TTF2: variants seen among roughly 807,000 people sequenced by gnomAD.
The protein encoded by TTF2 is transcription termination factor 2, also known as RNA polymerase II termination factor.
Under a neutral mutation model 142.4 loss-of-function variants are expected in TTF2, and 108 were observed. The ratio of observed to expected loss-of-function variants is 0.76; its 90% CI spans 0.65 to 0.89. The LOEUF is 0.89. Ranked by LOEUF, TTF2 falls within the 40% of genes least tolerant of loss-of-function variation. The probability of loss-of-function intolerance (pLI) is 0.00; values close to 1 mark genes in which losing one functional copy is unlikely to be tolerated. For missense variants in TTF2, 1,327 were observed against 1,379.8 expected (o/e 0.96, Z 0.61); for synonymous variants, 483 against 506.2 (o/e 0.95, Z 0.61).
In TTF2 at chr1:117,086,042, C is replaced by T. The variant is rs895490752; in HGVS notation, c.2055-375C>T. Among the ~76,000 whole-genome samples the T allele has an allele frequency of 6.6e-6, 1 of 152,184 alleles. No individual in the cohort carries two copies. Among genetic ancestry groups the T allele is most frequent in the Non-Finnish European group, 1.5e-5 (1 of 68,040 alleles). ...CATTATTAAATGTTAATTCCCAACT[C>T]TATCCTACTTTCTGTTATTTCCCAA... On this transcript the variant is annotated intron_variant, in intron 11 of 22. Transcript: ENST00000369466. This position sits in a 1 kb window ranked among gnomAD's most constrained non-coding sequence, Gnocchi z 4.2.
In TTF2 at chr1:117,075,547, T is replaced by C. The variant is rs1212166776; in HGVS notation, c.963T>C (p.Ser321=). ...GHFQERPETH[S]VPAPGGPAAQ... ...TCCAAGAGCGGCCGGAGACCCACAG[T>C]GTGCCTGCTCCTGGAGGACCAGCGG... The change falls in exon 5 of 23, where the codon AGT becomes AGC. Residue 321 remains serine (S), a synonymous_variant. Coordinates refer to ENST00000369466, the MANE Select transcript of TTF2 (RefSeq NM_003594.4). The surrounding 1 kb of genome is among the most constrained non-coding windows in gnomAD (Gnocchi z 4.5). 1.9e-6 allele frequency: 3 copies of C among 1,614,068 alleles called. No homozygotes were observed. The highest frequency in any genetic ancestry group is 4.5e-5 in the East Asian group (2 of 44,872).
At position 117,063,750 on chromosome 1, in the gene TTF2, C is replaced by T. The variant is rs1655867149; in HGVS notation, c.218+1277C>T. On this transcript the variant is annotated intron_variant, in intron 3 of 22. Coordinates refer to ENST00000369466, the MANE Select transcript of TTF2 (RefSeq NM_003594.4). This position sits in a 1 kb window ranked among gnomAD's most constrained non-coding sequence, Gnocchi z 4.1. The stretch of plus-strand genomic sequence containing the variant: ...GTTGTAAGGAATAATACAGAGTTAT[C>T]CCCTGTAGACTTTATCCAGTTTCCC... Among the ~76,000 whole-genome samples the T allele has an allele frequency of 6.6e-6, 1 of 152,126 alleles. No homozygotes were observed. The highest frequency in any genetic ancestry group is 2.4e-5 in the African/African-American group (1 of 41,428).
chr1:117,092,625 A>T lies in TTF2; in HGVS notation c.2806-106A>T. 1 of 1,275,526 alleles carries T rather than the reference A, an allele frequency of 7.8e-7. No individual in the cohort carries two copies. Among genetic ancestry groups the T allele is most frequent in the Non-Finnish European group, 1.1e-6 (1 of 927,644 alleles). 79.0% of individuals were successfully genotyped at this position (1,275,526 alleles called of 1,614,324 possible). A position where few individuals can be genotyped will look rare whatever the true frequency, so the allele number is the denominator to read the frequency against. ...TGAGGAGTTACTGATGACAAATTAC[A>T]AGATATTTTGCTCTGTGAAGTGGTA... is the stretch of plus-strand genomic sequence containing the variant. On this transcript the variant is annotated intron_variant, in intron 17 of 22. Transcript: ENST00000369466. The surrounding 1 kb of genome is among the most constrained non-coding windows in gnomAD (Gnocchi z 4.4).
intron 9 of TTF2, among the ~76,000 whole-genome samples, chr1:117,081,205 A>G (rs1160520293): frequency 6.6e-6 from 1 of 152,236 alleles, no homozygotes; most frequent in Admixed American, 6.5e-5. Flanking sequence ...ATCAGAGCCC[A>G]TGCTCTGACA....
chr1:117,067,981 G>A (rs1656279315), intron 3 of TTF2, among the ~76,000 whole-genome samples: 1 of 152,236 alleles, frequency 6.6e-6, no homozygotes, highest in South Asian at 2.1e-4. Flanking sequence ...CCACTGACCA[G>A]CATTTGACTA....
At position 117,089,260 on chromosome 1, in the gene TTF2, CTATATA is replaced by C. The variant is rs10524337; in HGVS notation, c.2342+290_2342+295del. Among the ~76,000 whole-genome samples the C allele has an allele frequency of 1.7e-3, 229 of 137,532 alleles. 4 individuals carry two copies. The highest frequency in any genetic ancestry group is 0.011 in the East Asian group (57 of 5,050). The allele number at this position is 137,532 out of a possible 152,430, so 90.2% of individuals were successfully genotyped here. On this transcript the variant is annotated intron_variant, in intron 13 of 22. Transcript: ENST00000369466. The stretch of plus-strand genomic sequence containing the variant: ...TATGCAAAATATATGCAAATATATG[CTATATA>C]TATATATATATGCAAAAATTATTCT...
rs1648041611 is a variant in TTF2 at position 117,086,625 on chromosome 1, A to AG, written c.2160+105dup. The AG allele has an allele frequency of 1.3e-6, 1 of 762,960 alleles. No homozygotes were observed. Among genetic ancestry groups the AG allele is most frequent in the Non-Finnish European group, 2.3e-6 (1 of 441,962 alleles). 47.3% of individuals were successfully genotyped at this position (762,960 alleles called of 1,614,324 possible). ...TAGCAAGAGGACCTCCCTGGAGGTC[A>AG]GGAATGCTGTAAATGATCCGCATGT... On this transcript the variant is annotated intron_variant, in intron 12 of 22. Transcript: ENST00000369466. The surrounding 1 kb of genome is among the most constrained non-coding windows in gnomAD (Gnocchi z 4.2).
chr1:117,091,750 C>T, intron 16 of TTF2, 67 bp from the exon 17 acceptor site: 1 of 1,563,044 alleles, frequency 6.4e-7, no homozygotes, highest in Non-Finnish European at 8.7e-7. Flanking sequence ...CCATGTAGTT[C>T]CTGGCTCTCT....
rs1647317217 is a variant in TTF2 at position 117,079,622 on chromosome 1, A to G, written c.1756A>G (p.Ser586Gly). 1.2e-6 allele frequency: 2 copies of G among 1,614,236 alleles called. No homozygotes were observed. Among genetic ancestry groups the G allele is most frequent in the Non-Finnish European group, 8.5e-7 (1 of 1,180,038 alleles). Residue 586 changes from serine (S) to glycine (G), a missense_variant, in exon 9 of 23, where the codon AGT becomes GGT. Physicochemically the swap from Ser to Gly is moderately conservative, Grantham distance 56 (BLOSUM62 0). Coordinates refer to ENST00000369466, the MANE Select transcript of TTF2 (RefSeq NM_003594.4). The surrounding 1 kb of genome is among the most constrained non-coding windows in gnomAD (Gnocchi z 4.2). ...QALAWLLWRE[S>G]QKPQGGILAD... Reference sequence around the variant, plus strand: ...ATTGGCTTGGTTACTATGGCGAGAAAGTCAGAAGCCACAAGGAGGAATTCT... The same window carrying G: ...ATTGGCTTGGTTACTATGGCGAGAAGGTCAGAAGCCACAAGGAGGAATTCT...
chr1:117,065,373 C>T (rs1173518172), intron 3 of TTF2, among the ~76,000 whole-genome samples: 16 of 152,084 alleles, frequency 1.1e-4, no homozygotes, highest in Admixed American at 6.5e-5. Context: ...CCAAGGCGGG[C>T]GGATCACGAG....
rs1557809645 is a variant in TTF2 at position 117,075,595 on chromosome 1, A to AG, written c.1014dup (p.Leu339AlafsTer5). On this transcript the variant is annotated frameshift_variant, in exon 5 of 23. Coordinates refer to ENST00000369466, the MANE Select transcript of TTF2 (RefSeq NM_003594.4). LOFTEE classifies it high-confidence loss of function. The surrounding 1 kb of genome is among the most constrained non-coding windows in gnomAD (Gnocchi z 4.5). The stretch of plus-strand genomic sequence containing the variant: ...CGGCTCAGGCTGCACCAGCAGCACC[A>AG]GGGCTTTCCCTGGGTGAGGGCCGTG... The AG allele has an allele frequency of 2.5e-6, 4 of 1,614,180 alleles. No individual in the cohort carries two copies. The highest frequency in any genetic ancestry group is 3.4e-6 in the Non-Finnish European group (4 of 1,180,028).
At chr1:117,069,494 A>T (rs2101352871) in intron 3 of TTF2, among the ~76,000 whole-genome samples, 1 of 152,320 alleles carries the variant, frequency 6.6e-6, no homozygotes, top group African/African-American at 2.4e-5. Context: ...ATGTAGGAAT[A>T]AGCAGAGTGA....
intron 12 of TTF2, 32 bp from the exon 13 acceptor site, chr1:117,088,769 T>C (rs1555792): frequency 0.91 from 1,463,438 of 1,607,152 alleles, 667,752 homozygotes; most frequent in East Asian, 1. Flanking sequence ...TTTTCCCATA[T>C]TGTGGCTGGA....
intron 18 of TTF2, among the ~76,000 whole-genome samples, chr1:117,094,918 G>C (rs184410492): frequency 1.7e-3 from 256 of 152,262 alleles, no homozygotes; most frequent in Middle Eastern, 0.014. Flanking sequence ...ACACAAAAGG[G>C]TGTTCTAGGC....
At chr1:117,095,011 C>T (rs555240632) in intron 18 of TTF2, among the ~76,000 whole-genome samples, 5 of 152,172 alleles carry the variant, frequency 3.3e-5, no homozygotes, top group East Asian at 1.9e-4. Context: ...TTGAGGAGGG[C>T]ATGGTGAGAA....
intron 13 of TTF2, among the ~76,000 whole-genome samples, chr1:117,089,429 C>T (rs917968190): frequency 1.3e-5 from 2 of 151,968 alleles, no homozygotes; most frequent in Non-Finnish European, 2.9e-5. Flanking sequence ...TGGGTCATAC[C>T]TGTAATCTCC....
chr1:117,073,675 G>A lies in TTF2; in HGVS notation c.233G>A (p.Cys78Tyr), dbSNP rs1356042566. The A allele has an allele frequency of 5.0e-6, 8 of 1,610,028 alleles. No individual in the cohort carries two copies. The highest frequency in any genetic ancestry group is 6.8e-6 in the Non-Finnish European group (8 of 1,177,256). Residue 78 changes from cysteine (C) to tyrosine (Y), a missense_variant, in exon 4 of 23, where the codon TGC (cysteine) becomes TAC (tyrosine). Cys to Tyr is a radical substitution (Grantham distance 194, BLOSUM62 -2). Transcript: ENST00000369466. This position sits in a 1 kb window ranked among gnomAD's most constrained non-coding sequence, Gnocchi z 4.4. ...TACTTCATTAGATTGTTCTTCCGAT[G>A]CATTAGAAGTAAGGCAGAGGGGAAA... is the stretch of plus-strand genomic sequence containing the variant. ...DKKEYRLFFRCIRSKAEGKRW... is the reference protein window; with the variant it reads ...DKKEYRLFFRYIRSKAEGKRW...
intron 3 of TTF2, among the ~76,000 whole-genome samples, chr1:117,069,340 C>CT (rs1396615019): frequency 5.3e-5 from 8 of 152,194 alleles, no homozygotes; most frequent in Admixed American, 3.3e-4. Context: ...TTCTGTGACT[C>CT]TAAGACATAC....
chr1:117,090,143 A>G lies in TTF2; in HGVS notation c.2431A>G (p.Ile811Val), dbSNP rs1176484270. The G allele has an allele frequency of 1.2e-6, 2 of 1,614,138 alleles. No individual in the cohort carries two copies. Among genetic ancestry groups the G allele is most frequent in the Admixed American group, 1.7e-5 (1 of 60,022 alleles). Residue 811 changes from isoleucine to valine, a missense_variant, in exon 14 of 23, where the codon ATT (isoleucine) becomes GTT (valine). Transcript: ENST00000369466. The surrounding 1 kb of genome is among the most constrained non-coding windows in gnomAD (Gnocchi z 4.8). ...GSKKGGERLS[I>V]LTKSLLLRRT... ...AAAGAAAGGAGGAGAACGGTTAAGT[A>G]TTTTAACCAAGAGCCTTTTGCTGAG...
Sources: gnomAD v4.1 joint callset for allele counts (sites outside exome capture counted in the v4.1 genomes callset) on GRCh38, gnomAD v4.1.1 for gene constraint, Gnocchi (gnomAD v3.1) non-coding constraint, MANE v1.5 for transcripts, NCBI Gene and HGNC (gene_info 2026-07-23, HGNC 2026-07-21) for gene names.